The following ATG10 variants were observed in gnomAD, a reference collection of about 807,000 sequenced individuals.
ATG10 encodes the protein ubiquitin-like-conjugating enzyme ATG10.
A neutral mutation model predicts 32.1 loss-of-function variants in ATG10; 30 were observed. The observed-to-expected ratio is 0.94, with a 90% CI of 0.70 to 1.27. The LOEUF is 1.27. Among genes scored for constraint, ATG10 ranks in the 50% most tolerant of loss-of-function variants. The pLI, the probability that ATG10 is intolerant of heterozygous loss-of-function variation, is 0.00. For missense variants in ATG10, 233 were observed against 262.3 expected, an observed-to-expected ratio of 0.89 and a Z score of 0.77; for synonymous variants, 87 against 91.5, an observed-to-expected ratio of 0.95 and a Z score of 0.28.
At chr5:82,078,564 AC>A (rs1216408953) in intron 3 of ATG10, 1 of 151,998 alleles carries the variant, frequency 6.6e-6, no homozygotes, top group Non-Finnish European at 1.5e-5. Context: ...CAATATGGTG[AC>A]CTCTCGGGAG....
intron 5 of ATG10, among the ~76,000 whole-genome samples, chr5:82,231,196 T>A (rs2150006239): frequency 6.6e-6 from 1 of 152,310 alleles, no homozygotes; most frequent in African/African-American, 2.4e-5. Context: ...GTCATAGACT[T>A]TCTTGTCTAG....
intron 3 of ATG10, among the ~76,000 whole-genome samples, chr5:82,067,297 G>A (rs188666712): frequency 7.2e-5 from 11 of 152,100 alleles, no homozygotes; most frequent in Non-Finnish European, 1.2e-4. Flanking sequence ...TTTAATTCCA[G>A]TAAAACTGGG....
intron 1 of ATG10, among the ~76,000 whole-genome samples, chr5:81,980,295 G>A (rs781018435): frequency 8.5e-5 from 13 of 152,172 alleles, no homozygotes; most frequent in African/African-American, 1.4e-4. Flanking sequence ...CATTACAGGA[G>A]CAAGCTTTCC....
At chr5:82,198,462 G>T (rs1366091043) in intron 5 of ATG10, among the ~76,000 whole-genome samples, 2 of 152,102 alleles carry the variant, frequency 1.3e-5, no homozygotes, top group Non-Finnish European at 2.9e-5. Context: ...ATGGGGTTTT[G>T]CTAGTCAGGC....
At chr5:82,024,413 A>T (rs1762537850) in intron 2 of ATG10, among the ~76,000 whole-genome samples, 1 of 152,204 alleles carries the variant, frequency 6.6e-6, no homozygotes, top group Non-Finnish European at 1.5e-5. Context: ...GTGACTAAAA[A>T]CTTTTAAGCA....
At chr5:82,105,497 A>AT (rs1373480268) in intron 3 of ATG10, among the ~76,000 whole-genome samples, 3 of 152,260 alleles carry the variant, frequency 2.0e-5, no homozygotes, top group Admixed American at 6.5e-5. Context: ...ATGTAACTGT[A>AT]TATTTCAGTG....
intron 3 of ATG10, among the ~76,000 whole-genome samples, chr5:82,145,156 C>G (rs1246406995): frequency 3.3e-5 from 5 of 151,944 alleles, no homozygotes; most frequent in Non-Finnish European, 7.4e-5. Context: ...ACTTAGTTTT[C>G]TCTTGTAGGC....
intron 3 of ATG10, among the ~76,000 whole-genome samples, chr5:82,076,541 T>C (rs1409286737): frequency 6.6e-6 from 1 of 152,128 alleles, no homozygotes; most frequent in East Asian, 1.9e-4. Context: ...GTAGTTCTTG[T>C]GTTGTGAGTG....
At chr5:82,082,165 C>T (rs1266689358) in intron 3 of ATG10, among the ~76,000 whole-genome samples, 1 of 152,026 alleles carries the variant, frequency 6.6e-6, no homozygotes, top group Non-Finnish European at 1.5e-5. Context: ...GGGGGGGACA[C>T]AGCCAAACCA....
At chr5:82,181,664 C>CATG (rs772439910) in intron 5 of ATG10, among the ~76,000 whole-genome samples, 60 of 152,164 alleles carry the variant, frequency 3.9e-4, no homozygotes, top group Admixed American at 7.2e-4. Flanking sequence ...GCGGACTGAA[C>CATG]ATGATAATAA....
intron 2 of ATG10, among the ~76,000 whole-genome samples, chr5:82,014,322 A>G (rs1008670484): frequency 6.6e-6 from 1 of 152,084 alleles, no homozygotes; most frequent in African/African-American, 2.4e-5. Context: ...TGGGGTGGAG[A>G]GTTCTGTAGA....
chr5:82,030,920 TATC>T (rs1216264069), intron 2 of ATG10, among the ~76,000 whole-genome samples: 1 of 152,164 alleles, frequency 6.6e-6, no homozygotes, highest in African/African-American at 2.4e-5. Context: ...TCATGATAGG[TATC>T]ATCTCATTTT....
At chr5:82,016,116 G>T (rs750992211) in intron 2 of ATG10, among the ~76,000 whole-genome samples, 2 of 152,000 alleles carry the variant, frequency 1.3e-5, no homozygotes, top group Non-Finnish European at 2.9e-5. Flanking sequence ...CTTTGTTTTT[G>T]ATGCATTTTC....
intron 3 of ATG10, among the ~76,000 whole-genome samples, chr5:82,132,146 T>C (rs1026936502): frequency 2.6e-5 from 4 of 152,124 alleles, no homozygotes; most frequent in African/African-American, 7.2e-5. Context: ...ACCAAATCAT[T>C]AGTCTTATTT....
intron 3 of ATG10, among the ~76,000 whole-genome samples, chr5:82,139,644 A>G (rs77881842): frequency 0.92 from 118,168 of 128,498 alleles, 54,031 homozygotes; most frequent in East Asian, 0.95. Context: ...GTCTCCGCCC[A>G]GCAGCCACCC....
At chr5:82,034,976 T>TG (rs1762868110) in intron 2 of ATG10, among the ~76,000 whole-genome samples, 1 of 152,184 alleles carries the variant, frequency 6.6e-6, no homozygotes, top group Non-Finnish European at 1.5e-5. Context: ...TGGAGTGCAA[T>TG]GGTGTGACCT....
chr5:82,236,193 C>T (rs554593450), intron 5 of ATG10, among the ~76,000 whole-genome samples: 2 of 151,942 alleles, frequency 1.3e-5, no homozygotes, highest in South Asian at 2.1e-4. Context: ...GTTGTGCAGC[C>T]GTGACTGTTT....
At chr5:82,086,441 G>A (rs184817171) in intron 3 of ATG10, among the ~76,000 whole-genome samples, 56 of 152,274 alleles carry the variant, frequency 3.7e-4, no homozygotes, top group African/African-American at 9.6e-4. Context: ...TGGCACCTCA[G>A]TTGGGATGAG....
chr5:82,008,216 T>C (rs1031105044), intron 2 of ATG10, among the ~76,000 whole-genome samples: 6 of 152,188 alleles, frequency 3.9e-5, no homozygotes, highest in East Asian at 1.9e-4. Context: ...TAATGAAATA[T>C]CATTTCTAGC....
Sources: allele counts gnomAD v4.1 joint callset (sites outside exome capture counted in the v4.1 genomes callset), GRCh38; gene constraint gnomAD v4.1.1; transcripts MANE v1.5; gene names NCBI Gene and HGNC (gene_info 2026-07-23, HGNC 2026-07-21).